The following PTPRD variants were observed in gnomAD, a reference collection of about 807,000 sequenced individuals.
PTPRD encodes receptor-type tyrosine-protein phosphatase delta.
PTPRD carries 34 observed loss-of-function variants against 214.5 expected under a neutral mutation model. That is an observed-to-expected ratio of 0.16 (90% confidence interval 0.12 to 0.21). PTPRD has a LOEUF of 0.21. Among genes scored for constraint, PTPRD ranks in the 10% least tolerant of loss-of-function variants. The probability of loss-of-function intolerance (pLI) is 1.00; values close to 1 mark genes in which losing one functional copy is unlikely to be tolerated. For synonymous variants in PTPRD, 1,128 were observed against 845.7 expected, an observed-to-expected ratio of 1.33 and a Z score of -5.79; for missense variants, 2,545 against 2,398.7, an observed-to-expected ratio of 1.06 and a Z score of -1.27.
At chr9:10,462,470 G>A (rs977862867) in intron 2 of PTPRD, among the ~76,000 whole-genome samples, 1 of 152,158 alleles carries the variant, frequency 6.6e-6, no homozygotes, top group African/African-American at 2.4e-5. Flanking sequence ...GGTAGAAGCA[G>A]TACCGGATTT....
intron 4 of PTPRD, among the ~76,000 whole-genome samples, chr9:9,994,599 G>C (rs904385174): frequency 6.6e-6 from 1 of 151,924 alleles, no homozygotes; most frequent in Admixed American, 6.6e-5. Context: ...AAACCTAAAA[G>C]CATAAAAGAA....
chr9:8,926,545 C>T (rs890850962), intron 11 of PTPRD, among the ~76,000 whole-genome samples: 3 of 152,066 alleles, frequency 2.0e-5, no homozygotes, highest in Non-Finnish European at 4.4e-5. Context: ...ATTTCTTATT[C>T]ACAGAGCCCA....
intron 7 of PTPRD, among the ~76,000 whole-genome samples, chr9:9,616,763 A>G (rs2094894147): frequency 6.6e-6 from 1 of 152,204 alleles, no homozygotes; most frequent in South Asian, 2.1e-4. Context: ...TAACCATAAA[A>G]GTAGCCAACC....
At chr9:10,401,150 A>C (rs1281505510) in intron 2 of PTPRD, among the ~76,000 whole-genome samples, 1 of 151,716 alleles carries the variant, frequency 6.6e-6, no homozygotes, top group Non-Finnish European at 1.5e-5. Flanking sequence ...TAGAAACTTA[A>C]AGTTTCTCTC....
chr9:9,777,320 T>C (rs972872062), intron 5 of PTPRD, among the ~76,000 whole-genome samples: 19 of 142,296 alleles, frequency 1.3e-4, no homozygotes, highest in African/African-American at 2.6e-5. Context: ...AATATGCACA[T>C]ACATGCACAC....
chr9:9,033,909 C>T (rs766588559), intron 10 of PTPRD, among the ~76,000 whole-genome samples: 1 of 152,078 alleles, frequency 6.6e-6, no homozygotes, highest in Admixed American at 6.6e-5. Flanking sequence ...TGAAATCAAA[C>T]AATAGGATTG....
At chr9:9,128,321 G>T (rs558004522) in intron 10 of PTPRD, among the ~76,000 whole-genome samples, 5 of 152,024 alleles carry the variant, frequency 3.3e-5, no homozygotes, top group Admixed American at 6.6e-5. Flanking sequence ...ATACATTTGC[G>T]CACAGAAACA....
chr9:9,758,692 A>G (rs1181717872), intron 6 of PTPRD, among the ~76,000 whole-genome samples: 1 of 151,954 alleles, frequency 6.6e-6, no homozygotes, highest in Non-Finnish European at 1.5e-5. Flanking sequence ...AAAAGACATG[A>G]GAAAGCAAGG....
At chr9:9,388,385 C>A (rs976744206) in intron 9 of PTPRD, among the ~76,000 whole-genome samples, 1 of 152,142 alleles carries the variant, frequency 6.6e-6, no homozygotes, top group African/African-American at 2.4e-5. Context: ...TTCCCTTCCC[C>A]TCTTCTGTAT....
At chr9:9,851,473 C>T (rs1274939266) in intron 5 of PTPRD, among the ~76,000 whole-genome samples, 3 of 152,174 alleles carry the variant, frequency 2.0e-5, no homozygotes, top group Non-Finnish European at 4.4e-5. Context: ...AGTGAAGTTA[C>T]AACAAGTACT....
At chr9:8,332,161 TAATA>T (rs1276186081) in intron 43 of PTPRD, among the ~76,000 whole-genome samples, 4 of 152,196 alleles carry the variant, frequency 2.6e-5, no homozygotes, top group Non-Finnish European at 5.9e-5. Flanking sequence ...AATTACTTTG[TAATA>T]AATATTGAAA....
intron 8 of PTPRD, among the ~76,000 whole-genome samples, chr9:9,500,798 T>TA (rs2096387346): frequency 1.3e-5 from 2 of 152,034 alleles, no homozygotes; most frequent in Non-Finnish European, 2.9e-5. Flanking sequence ...GCAAAAATAA[T>TA]AAAGTTGTTT....
chr9:10,145,011 G>GA (rs1293562772), intron 3 of PTPRD, among the ~76,000 whole-genome samples: 2 of 151,070 alleles, frequency 1.3e-5, no homozygotes, highest in African/African-American at 2.4e-5. Context: ...CCTTTATCAG[G>GA]AAAAAAAATA....
At chr9:9,714,972 A>G (rs181790245) in intron 7 of PTPRD, among the ~76,000 whole-genome samples, 2 of 152,236 alleles carry the variant, frequency 1.3e-5, no homozygotes, top group East Asian at 1.9e-4. Context: ...GTTCATGACT[A>G]TTGTGTTTCT....
At chr9:9,600,930 G>C (rs986243324) in intron 7 of PTPRD, among the ~76,000 whole-genome samples, 11 of 151,884 alleles carry the variant, frequency 7.2e-5, no homozygotes, top group African/African-American at 2.7e-4. Flanking sequence ...TGGCTTTCTT[G>C]TTTTTGGTTT....
intron 7 of PTPRD, among the ~76,000 whole-genome samples, chr9:9,638,498 A>G (rs556149632): frequency 1.3e-3 from 191 of 152,324 alleles, no homozygotes; most frequent in African/African-American, 4.3e-3. Flanking sequence ...CTTCACTGAC[A>G]TGATCAATTA....
At chr9:9,758,458 C>G (rs2098610741) in intron 6 of PTPRD, among the ~76,000 whole-genome samples, 1 of 152,090 alleles carries the variant, frequency 6.6e-6, no homozygotes. Flanking sequence ...CATTAGGCAA[C>G]ACTATAGAAG....
intron 9 of PTPRD, among the ~76,000 whole-genome samples, chr9:9,216,436 A>C (rs1225201433): frequency 6.6e-6 from 1 of 152,146 alleles, no homozygotes; most frequent in East Asian, 1.9e-4. Context: ...GAGCCTAGGA[A>C]TTTTAAACTT....
At chr9:10,499,461 C>A (rs139879328) in intron 2 of PTPRD, among the ~76,000 whole-genome samples, 1 of 151,834 alleles carries the variant, frequency 6.6e-6, no homozygotes, top group African/African-American at 2.4e-5. Flanking sequence ...TCAATCATAC[C>A]GGACAGTTCA....
Sources: gnomAD v4.1 joint callset for allele counts (sites outside exome capture counted in the v4.1 genomes callset) on GRCh38, gnomAD v4.1.1 for gene constraint, MANE v1.5 for transcripts, NCBI Gene and HGNC (gene_info 2026-07-23, HGNC 2026-07-21) for gene names.